The following FXYD1 variants were observed in gnomAD, a reference collection of about 807,000 sequenced individuals.
FXYD1 encodes FXYD domain containing ion transport regulator 1, also known as phospholemman.
A neutral mutation model predicts 17.2 loss-of-function variants in FXYD1; 9 were observed. The ratio of observed to expected loss-of-function variants is 0.52; its 90% CI spans 0.32 to 0.91. The LOEUF (loss-of-function observed/expected upper bound fraction) is 0.91, where lower values mean the gene tolerates loss of function less well. FXYD1 is among the 40% of genes least tolerant of loss of function. The pLI is 0.04. For synonymous variants in FXYD1, 55 were observed against 45.8 expected (o/e 1.20, Z -0.81); for missense variants, 113 against 120.6 (o/e 0.94, Z 0.29).
chr19:35,141,901 C>T (rs368833804), intron 5 of FXYD1, among the ~76,000 whole-genome samples: 1 of 152,240 alleles, frequency 6.6e-6, no homozygotes, highest in African/African-American at 2.4e-5. Flanking sequence ...CCCAGTTTAG[C>T]TTAGAGTCTT....
At chr19:35,140,990 A>C in intron 3 of FXYD1, 142 bp from the exon 4 acceptor site, 1 of 453,398 alleles carries the variant, frequency 2.2e-6, no homozygotes, top group Non-Finnish European at 4.0e-6. Context: ...TCCTCCTCCC[A>C]TATCTGCTCC....
chr19:35,141,455 C>T lies in FXYD1; in HGVS notation c.170-81C>T, dbSNP rs766225939. ...CCCGTCCCCCAAGCCCCGCCCCTCG[C>T]GAGGGCGAGCTGGAGCTACAGCGCC... On this transcript the variant is annotated intron_variant, in intron 4 of 7. Transcript: ENST00000351325. 5.8e-6 allele frequency: 7 copies of T among 1,209,254 alleles called. No individual in the cohort carries two copies. In the South Asian group the frequency reaches 7.7e-5, roughly 13 times the overall value. The allele number at this position is 1,209,254 out of a possible 1,614,324, so 74.9% of individuals were successfully genotyped here.
rs767481794 is a variant in FXYD1, at chr19:35,142,487, T to C, written c.222T>C (p.Asp74=). 1.2e-6 allele frequency: 2 copies of C among 1,612,612 alleles called. No homozygotes were observed. The highest frequency in any genetic ancestry group is 1.1e-5 in the South Asian group (1 of 91,006). Reference sequence around the variant, plus strand: ...GTCTTCCCAGGACTGGGGAACCCGATGAAGAGGAGGGAACTTTCCGCAGCT... The same window carrying C: ...GTCTTCCCAGGACTGGGGAACCCGACGAAGAGGAGGGAACTTTCCGCAGCT... ...FNQQQRTGEP[D]EEEGTFRSSI... is the part of the protein sequence containing the mutation. The change falls in exon 6 of 8, where the codon GAT becomes GAC. Residue 74 remains aspartate (D), a synonymous_variant. Transcript: ENST00000351325.
intron 1 of FXYD1, chr19:35,139,828 G>T: frequency 2.2e-6 from 1 of 452,140 alleles, no homozygotes; most frequent in Non-Finnish European, 4.1e-6. Flanking sequence ...GCCCCCCGGG[G>T]ACTGTGTGTC....
Position 35,141,075 on chromosome 19 carries a change from C to T in FXYD1, c.95-57C>T, listed in dbSNP as rs78533980. ...GTTCCCTCCTTCCCAATTTACCCCT[C>T]TCCTATTCTCCCTCCTGTCTTCCCT... On this transcript the variant is annotated intron_variant, in intron 3 of 7. Coordinates refer to ENST00000351325, the MANE Select transcript of FXYD1 (RefSeq NM_021902.4). The T allele has an allele frequency of 7.9e-4, 848 of 1,068,598 alleles. 5 individuals are homozygous for T. The African/African-American group carries it at 0.012, about 15-fold the overall frequency. 66.2% of individuals were successfully genotyped at this position (1,068,598 alleles called of 1,614,324 possible). A position where few individuals can be genotyped will look rare whatever the true frequency, so the allele number is the denominator to read the frequency against.
chr19:35,142,557 G>A, intron 6 of FXYD1, 36 bp downstream of exon 6: 1 of 1,601,996 alleles, frequency 6.2e-7, no homozygotes, highest in Non-Finnish European at 8.6e-7. Context: ...TCTGGGGAGA[G>A]GGCTGGTTCC....
At position 35,142,706 on chromosome 19, in the gene FXYD1, C is replaced by T; in HGVS notation, c.257-14C>T. The T allele has an allele frequency of 6.2e-7, 1 of 1,613,536 alleles. No homozygotes were observed. The highest frequency in any genetic ancestry group is 8.5e-7 in the Non-Finnish European group (1 of 1,179,664). On this transcript the variant is annotated splice_polypyrimidine_tract_variant and intron_variant, in intron 6 of 7. Coordinates refer to ENST00000351325, the MANE Select transcript of FXYD1 (RefSeq NM_021902.4). ...CCTCTCCAGAATGACCCCCGATCTC[C>T]GTGTTCCCCCCAGGTCTGTCCACCC...
At chr19:35,139,263 G>C (rs2065228446) in intron 1 of FXYD1, 2 of 23,326 alleles carry the variant, frequency 8.6e-5, no homozygotes, top group Non-Finnish European at 1.8e-4. Context: ...CGGCCCCACT[G>C]TGTGTGTGTG....
chr19:35,141,478 G>T, intron 4 of FXYD1, 58 bp from the exon 5 acceptor site: 2 of 1,463,702 alleles, frequency 1.4e-6, no homozygotes, highest in Non-Finnish European at 1.9e-6. Flanking sequence ...GAGCTACAGC[G>T]CCGCTTGGCG....
chr19:35,142,155 T>TG, intron 5 of FXYD1: 1 of 322,880 alleles, frequency 3.1e-6, no homozygotes, highest in African/African-American at 2.2e-5. Context: ...AAGTGGAAGA[T>TG]GGGGGGTTCT....
intron 4 of FXYD1, 161 bp downstream of exon 4, chr19:35,141,367 C>T: frequency 3.0e-6 from 2 of 667,716 alleles, no homozygotes; most frequent in East Asian, 5.6e-5. Flanking sequence ...CCAACCCCTC[C>T]CAGGCCTTGC....
At chr19:35,141,381 G>C in intron 4 of FXYD1, 155 bp from the exon 5 acceptor site, 1 of 398,158 alleles carries the variant, frequency 2.5e-6, no homozygotes, top group Admixed American at 3.5e-5. Context: ...GCCTTGCCCC[G>C]CCTACCCTGC....
chr19:35,138,173 A>C (rs1360885197), upstream of FXYD1: 1 of 152,292 alleles, frequency 6.6e-6, no homozygotes, highest in Non-Finnish European at 1.5e-5. Context: ...ACTGGCATAA[A>C]AGGTGTTGGC....
rs1279089218 is a variant in FXYD1 at position 35,141,332 on chromosome 19, C to T, written c.169+126C>T. ...CCCTGGCCCCGCTTCTCCCTGGTCC[C>T]GCCCCTCCCTGGCCCCGCCCCGCCC... On this transcript the variant is annotated intron_variant, in intron 4 of 7. Transcript: ENST00000351325. 4.9e-6 allele frequency: 3 copies of T among 614,900 alleles called. No homozygotes were observed. In the African/African-American group the frequency reaches 6.3e-5, roughly 13 times the overall value. 38.1% of individuals were successfully genotyped at this position (614,900 alleles called of 1,614,324 possible). A position where few individuals can be genotyped will look rare whatever the true frequency, so the allele number is the denominator to read the frequency against.
rs536908913 is a variant in FXYD1 at position 35,141,152 on chromosome 19, G to A, written c.115G>A (p.Gly39Arg). 1.8e-5 allele frequency: 29 copies of A among 1,609,690 alleles called. No individual in the cohort carries two copies. In the South Asian group the frequency reaches 2.1e-4, roughly 12 times the overall value. Residue 39 changes from glycine to arginine, a missense_variant, in exon 4 of 8, where the codon GGA becomes AGA. Transcript: ENST00000351325. ...FTYDYQSLQIGGLVIAGILFI... is the reference protein window; with the variant it reads ...FTYDYQSLQIRGLVIAGILFI... ...CACAGACTACCAGTCCCTGCAGATC[G>A]GAGGCCTCGTCATCGCCGGGATCCT...
chr19:35,140,072 C>G lies in FXYD1; in HGVS notation c.-4-4C>G, dbSNP rs775773700. On this transcript the variant is annotated splice_polypyrimidine_tract_variant and splice_region_variant and intron_variant, in intron 1 of 7. Coordinates refer to ENST00000351325, the MANE Select transcript of FXYD1 (RefSeq NM_021902.4). The stretch of plus-strand genomic sequence containing the variant: ...CACTGCCTAATCCGTGGTGTCCCCC[C>G]CAGGACAATGGCGTCTCTTGGCCAC... The G allele has an allele frequency of 3.1e-6, 5 of 1,612,670 alleles. No individual in the cohort carries two copies. The South Asian group carries it at 5.5e-5, about 18-fold the overall frequency.
chr19:35,140,181 A>T, intron 2 of FXYD1, 41 bp downstream of exon 2: 3 of 1,174,814 alleles, frequency 2.6e-6, no homozygotes, highest in Non-Finnish European at 3.8e-6. Context: ...CCTCAGCCCC[A>T]GGGGTGGCGG....
chr19:35,142,645 C>T (rs2065267664), intron 6 of FXYD1, 75 bp from the exon 7 acceptor site: 4 of 1,559,512 alleles, frequency 2.6e-6, no homozygotes, highest in Non-Finnish European at 3.5e-6. Flanking sequence ...GGGAGTTGCC[C>T]CGCCGCGGGC....
chr19:35,142,750 T>C lies in FXYD1; in HGVS notation c.*8T>C, dbSNP rs369430419. The C allele has an allele frequency of 1.3e-4, 203 of 1,612,504 alleles. No individual in the cohort carries two copies. The African/African-American group carries it at 2.3e-3, about 19-fold the overall frequency. ...TCCACCCGCAGGCGGTAGAAACACCTGGAGCGATGGAATCCGGCCAGGTGC... is the reference window on the plus strand; with the variant it reads ...TCCACCCGCAGGCGGTAGAAACACCCGGAGCGATGGAATCCGGCCAGGTGC... On this transcript the variant is annotated 3_prime_UTR_variant, in exon 7 of 8. Transcript: ENST00000351325.
Sources: allele counts gnomAD v4.1 joint callset (sites outside exome capture counted in the v4.1 genomes callset), GRCh38; gene constraint gnomAD v4.1.1; transcripts MANE v1.5; gene names NCBI Gene and HGNC (gene_info 2026-07-23, HGNC 2026-07-21).